Variants in SNX27 observed in about 807,000 individuals in gnomAD.
SNX27 encodes sorting nexin-27.
SNX27 carries 22 observed loss-of-function variants against 71.6 expected under a neutral mutation model. The observed-to-expected ratio is 0.31, with a 90% CI of 0.22 to 0.44. The LOEUF is 0.44. Among genes scored for constraint, SNX27 ranks in the 20% least tolerant of loss-of-function variants. The pLI is 1.00. For synonymous variants in SNX27, 269 were observed against 277.2 expected (o/e 0.97, Z 0.29); for missense variants, 531 against 698.6 (o/e 0.76, Z 2.70).
Position 151,612,393 on chromosome 1 carries a change from C to T in SNX27, c.192C>T (p.Gly64=). The T allele has an allele frequency of 6.6e-7, 1 of 1,524,326 alleles. No individual in the cohort carries two copies. The highest frequency in any genetic ancestry group is 2.1e-5 in the Admixed American group (1 of 47,178). The allele number at this position is 1,524,326 out of a possible 1,614,324, so 94.4% of individuals were successfully genotyped here. A position where few individuals can be genotyped will look rare whatever the true frequency, so the allele number is the denominator to read the frequency against. The stretch of plus-strand genomic sequence containing the variant: ...ACGTGCGGGGCCAAGTGAGCGAGGG[C>T]GGGCAACTGCGGAGCATCAACGGGG... The part of the protein sequence containing the change: ...GFNVRGQVSE[G]GQLRSINGEL... The change falls in exon 1 of 12, where the codon GGC becomes GGT. Residue 64 remains glycine (G), a synonymous_variant. Coordinates refer to ENST00000458013, the MANE Select transcript of SNX27 (RefSeq NM_001330723.2). The surrounding 1 kb of genome is among the most constrained non-coding windows in gnomAD (Gnocchi z 5.2).
At chr1:151,623,725 C>T (rs145977306) in intron 1 of SNX27, among the ~76,000 whole-genome samples, 1 of 152,092 alleles carries the variant, frequency 6.6e-6, no homozygotes, top group East Asian at 1.9e-4. Flanking sequence ...CATTTATTGT[C>T]CTCCAGTACA....
chr1:151,692,560 C>T lies in SNX27; in HGVS notation c.1365C>T (p.Ala455=), dbSNP rs555284794. The stretch of plus-strand genomic sequence containing the variant: ...GCATCACGCACTTTAAACTGCATGC[C>T]TGCACTGAAGAAGGACAGCTGGAGG... The part of the protein sequence containing the change: ...AISITHFKLH[A]CTEEGQLENQ... Residue 455 remains alanine (A), a synonymous_variant, in exon 9 of 12, where the codon GCC becomes GCT. Coordinates refer to ENST00000458013, the MANE Select transcript of SNX27 (RefSeq NM_001330723.2). The T allele has an allele frequency of 1.2e-5, 20 of 1,613,368 alleles. No individual in the cohort carries two copies. The African/African-American group carries it at 2.7e-4, about 22-fold the overall frequency.
intron 7 of SNX27, chr1:151,680,101 AC>A: frequency 6.6e-6 from 1 of 151,842 alleles, no homozygotes; most frequent in East Asian, 1.9e-4. Flanking sequence ...AGAAAAGGAA[AC>A]TAGGGTGGTG....
At position 151,668,577 on chromosome 1, in the gene SNX27, CAGA is replaced by C. The variant is rs1218918934; in HGVS notation, c.1099_1101del (p.Glu367del). On this transcript the variant is annotated inframe_deletion, in exon 7 of 12. Transcript: ENST00000458013. ...ACCATTCGAAAGTGGCTTTTTACAA[CAGA>C]AGAAGAAATTCTCTTAAATGACAAT... The C allele has an allele frequency of 4.3e-6, 7 of 1,613,844 alleles. No individual in the cohort carries two copies.
At chr1:151,661,969 C>T (rs1669982112) in intron 4 of SNX27, among the ~76,000 whole-genome samples, 197 bp from the exon 5 acceptor site, 1 of 152,142 alleles carries the variant, frequency 6.6e-6, no homozygotes, top group Admixed American at 6.6e-5. Context: ...TCTTTCCTTC[C>T]TGCTTATCTT....
At chr1:151,668,754 A>G in intron 7 of SNX27, 119 bp downstream of exon 7, 1 of 790,686 alleles carries the variant, frequency 1.3e-6, no homozygotes, top group Non-Finnish European at 1.9e-6. Flanking sequence ...TCTGAATTAC[A>G]TTTGTAAAAT....
intron 7 of SNX27, among the ~76,000 whole-genome samples, chr1:151,680,847 T>C (rs1333139407): frequency 2.0e-5 from 3 of 152,160 alleles, no homozygotes; most frequent in Non-Finnish European, 4.4e-5. Context: ...GTACAGTGTT[T>C]TGGTGATGAA....
chr1:151,693,351 C>A, intron 10 of SNX27, 73 bp from the exon 11 acceptor site: 1 of 1,403,472 alleles, frequency 7.1e-7, no homozygotes, highest in Non-Finnish European at 1.0e-6. Flanking sequence ...TGACTGGGGA[C>A]AGGAGTTCAA....
At chr1:151,660,501 A>T (rs1351684628) in intron 3 of SNX27, 8 of 279,082 alleles carry the variant, frequency 2.9e-5, no homozygotes, top group Non-Finnish European at 5.6e-5. Flanking sequence ...AATAGGTCAC[A>T]CAAGACTGCA....
intron 1 of SNX27, among the ~76,000 whole-genome samples, chr1:151,632,051 T>C (rs956240079): frequency 3.3e-5 from 5 of 152,188 alleles, no homozygotes; most frequent in African/African-American, 1.2e-4. Context: ...ACTATAATGG[T>C]ATTTTTGCAG....
In SNX27 at chr1:151,694,931, C is replaced by T. The variant is rs1055547851; in HGVS notation, c.*514C>T. 1 of 152,554 alleles carries T rather than the reference C, an allele frequency of 6.6e-6. No individual in the cohort carries two copies. The highest frequency in any genetic ancestry group is 6.6e-5 in the Admixed American group (1 of 15,266). 9.5% of individuals were successfully genotyped at this position (152,554 alleles called of 1,614,324 possible). A position where few individuals can be genotyped will look rare whatever the true frequency, so the allele number is the denominator to read the frequency against. Reference sequence around the variant, plus strand: ...TTTCACTAGAATCCATGACCTCCCTCGTGCTCTCTTTCTTTTGAAACAAAC... The same window carrying T: ...TTTCACTAGAATCCATGACCTCCCTTGTGCTCTCTTTCTTTTGAAACAAAC... On this transcript the variant is annotated 3_prime_UTR_variant, in exon 12 of 12. Coordinates refer to ENST00000458013, the MANE Select transcript of SNX27 (RefSeq NM_001330723.2).
chr1:151,641,968 T>G (rs1398877220), intron 2 of SNX27, among the ~76,000 whole-genome samples: 2 of 131,388 alleles, frequency 1.5e-5, no homozygotes, highest in African/African-American at 2.8e-5. Context: ...ATATGAGATA[T>G]ATATATATCA....
At position 151,644,852 on chromosome 1, in the gene SNX27, G is replaced by A. The variant is rs554384433; in HGVS notation, c.543+5733G>A. Among the ~76,000 whole-genome samples the A allele has an allele frequency of 3.0e-4, 46 of 152,192 alleles. 1 individual carries two copies. The highest frequency in any genetic ancestry group is 1.1e-3 in the African/African-American group (46 of 41,524). On this transcript the variant is annotated intron_variant, in intron 2 of 11. Coordinates refer to ENST00000458013, the MANE Select transcript of SNX27 (RefSeq NM_001330723.2). ...TTTTGAGTGTCAGCTAGGCTGGAGT[G>A]CAGTGGCGCAATATTGGCCCACTGC...
At chr1:151,654,110 C>T (rs1329769384) in intron 2 of SNX27, among the ~76,000 whole-genome samples, 1 of 152,130 alleles carries the variant, frequency 6.6e-6, no homozygotes, top group Non-Finnish European at 1.5e-5. Context: ...GGATTACAGG[C>T]GTGAGCCACC....
In SNX27 at chr1:151,612,630, A is replaced by C. The variant is rs1571742298; in HGVS notation, c.311+118A>C. On this transcript the variant is annotated intron_variant, in intron 1 of 11. Transcript: ENST00000458013. The surrounding 1 kb of genome is among the most constrained non-coding windows in gnomAD (Gnocchi z 5.2). ...CCCCGAGCTCCGAGCCGGCCTCCGGACCCCCGCCCCTCAGGCCTCCGCAGC... is the reference window on the plus strand; with the variant it reads ...CCCCGAGCTCCGAGCCGGCCTCCGGCCCCCCGCCCCTCAGGCCTCCGCAGC... 4 of 785,096 alleles carry C rather than the reference A, an allele frequency of 5.1e-6. No homozygotes were observed. Among genetic ancestry groups the C allele is most frequent in the Non-Finnish European group, 6.8e-6 (4 of 584,106 alleles). The allele number at this position is 785,096 out of a possible 1,614,324, so 48.6% of individuals were successfully genotyped here.
At position 151,618,473 on chromosome 1, in the gene SNX27, CT is replaced by C. The variant is rs549660658; in HGVS notation, c.311+5962del. On this transcript the variant is annotated intron_variant, in intron 1 of 11. Coordinates refer to ENST00000458013, the MANE Select transcript of SNX27 (RefSeq NM_001330723.2). The stretch of plus-strand genomic sequence containing the variant: ...CCTCAGAAATCACTTCCACAGATTG[CT>C]GTAACCAGGAAAATATATTTTATTA... Among the ~76,000 whole-genome samples the C allele has an allele frequency of 3.8e-3, 575 of 152,242 alleles. 5 individuals are homozygous for C. The highest frequency in any genetic ancestry group is 0.013 in the African/African-American group (553 of 41,530).
At chr1:151,623,906 A>G (rs1227228716) in intron 1 of SNX27, among the ~76,000 whole-genome samples, 1 of 152,188 alleles carries the variant, frequency 6.6e-6, no homozygotes, top group African/African-American at 2.4e-5. Flanking sequence ...CTCACTGGTA[A>G]TTCTTTAGCC....
intron 1 of SNX27, among the ~76,000 whole-genome samples, chr1:151,625,960 AT>A (rs1393529043): frequency 6.6e-6 from 1 of 151,722 alleles, no homozygotes; most frequent in East Asian, 1.9e-4. Flanking sequence ...CAAAAAAAAA[AT>A]AAAATAAAAA....
intron 3 of SNX27, among the ~76,000 whole-genome samples, chr1:151,658,715 C>T (rs567248009): frequency 5.3e-5 from 8 of 152,066 alleles, no homozygotes; most frequent in Admixed American, 1.3e-4. Context: ...GACGGAGTCT[C>T]GCTCTGTCGC....
Sources: gnomAD v4.1 joint callset for allele counts (sites outside exome capture counted in the v4.1 genomes callset) on GRCh38, gnomAD v4.1.1 for gene constraint, Gnocchi (gnomAD v3.1) non-coding constraint, MANE v1.5 for transcripts, NCBI Gene and HGNC (gene_info 2026-07-23, HGNC 2026-07-21) for gene names.